Variants in KIF16B observed in about 807,000 individuals in gnomAD.
The protein encoded by KIF16B is kinesin-like protein KIF16B.
A neutral mutation model predicts 156.3 loss-of-function variants in KIF16B; 98 were observed. The ratio of observed to expected loss-of-function variants is 0.63; its 90% CI spans 0.53 to 0.74. KIF16B has a LOEUF of 0.74. Ranked by LOEUF, KIF16B falls within the 30% of genes least tolerant of loss-of-function variation. The pLI, the probability that KIF16B is intolerant of heterozygous loss-of-function variation, is 0.00. For synonymous variants in KIF16B, 564 were observed against 583.7 expected (o/e 0.97, Z 0.49); for missense variants, 1,421 against 1,606.5 (o/e 0.88, Z 1.97).
intron 25 of KIF16B, among the ~76,000 whole-genome samples, chr20:16,306,578 A>C (rs541741296): frequency 6.6e-6 from 1 of 152,300 alleles, no homozygotes; most frequent in South Asian, 2.1e-4. Flanking sequence ...AAGAATAGTG[A>C]CACGATTTTA....
intron 25 of KIF16B, among the ~76,000 whole-genome samples, chr20:16,301,817 T>C (rs964068553): frequency 6.6e-6 from 1 of 152,110 alleles, no homozygotes. Flanking sequence ...ACCCGGCTAA[T>C]TTTTGTATTT....
chr20:16,488,336 G>A (rs1405480790), intron 12 of KIF16B, among the ~76,000 whole-genome samples: 1 of 152,218 alleles, frequency 6.6e-6, no homozygotes, highest in Admixed American at 6.5e-5. Flanking sequence ...AGTCCAAACT[G>A]TCTGTGCGTT....
rs1052109062 is a variant in KIF16B at position 16,573,408 on chromosome 20, T to C, written c.-133A>G. On this transcript the variant is annotated 5_prime_UTR_variant, in exon 1 of 26. Coordinates refer to ENST00000354981, the MANE Select transcript of KIF16B (RefSeq NM_024704.5). ...CCGCCCCTCTGCTCCCGGCCGGACC[T>C]GGAGTTCCGCGGCAGCCCCACCTGC... The C allele has an allele frequency of 5.5e-5, 55 of 1,004,302 alleles. No homozygotes were observed. Among genetic ancestry groups the C allele is most frequent in the Non-Finnish European group, 7.6e-5 (52 of 685,496 alleles). 62.2% of individuals were successfully genotyped at this position (1,004,302 alleles called of 1,614,324 possible).
chr20:16,553,908 C>A (rs1017346314), intron 1 of KIF16B, among the ~76,000 whole-genome samples: 1 of 152,158 alleles, frequency 6.6e-6, no homozygotes, highest in East Asian at 1.9e-4. Flanking sequence ...GCCAGGTGTG[C>A]GCACACTTAG....
rs145387817 is a variant in KIF16B, at chr20:16,381,725, G to A, written c.1807C>T (p.Arg603Cys). ...NPGLEFERQQ[R>C]EELEKLESKR... ...CTTTCTAATTTTTCAAGTTCTTCACGCTGTTGCCTCTCAAATTCAAGTCTA... is the reference window on the plus strand; with the variant it reads ...CTTTCTAATTTTTCAAGTTCTTCACACTGTTGCCTCTCAAATTCAAGTCTA... The change falls in exon 18 of 26, where the codon CGT (arginine) becomes TGT (cysteine). Residue 603 changes from arginine (R) to cysteine (C), a missense_variant. Arg to Cys is a radical substitution (Grantham distance 180, BLOSUM62 -3). Coordinates refer to ENST00000354981, the MANE Select transcript of KIF16B (RefSeq NM_024704.5). The A allele has an allele frequency of 3.8e-5, 61 of 1,611,604 alleles. No homozygotes were observed. The highest frequency in any genetic ancestry group is 4.6e-5 in the Non-Finnish European group (54 of 1,178,734).
chr20:16,319,817 G>A (rs1456185782), intron 24 of KIF16B, among the ~76,000 whole-genome samples: 3 of 152,150 alleles, frequency 2.0e-5, no homozygotes, highest in African/African-American at 7.2e-5. Flanking sequence ...GACATTAGGG[G>A]ATTGAGCAGG....
chr20:16,321,806 GA>G (rs1269646152), intron 24 of KIF16B, among the ~76,000 whole-genome samples: 1 of 152,012 alleles, frequency 6.6e-6, no homozygotes, highest in Non-Finnish European at 1.5e-5. Flanking sequence ...GTATTCATGA[GA>G]AAACCCTTAA....
At chr20:16,335,377 T>TACCCTCTGGATATTTGATCTGATGCATG (rs1379198402) in intron 24 of KIF16B, among the ~76,000 whole-genome samples, 1 of 152,238 alleles carries the variant, frequency 6.6e-6, no homozygotes, top group Non-Finnish European at 1.5e-5. Flanking sequence ...AATGTATTAA[T>TACCCTCTGGATATTTGATCTGATGCATG]ACCCTCTGGA....
intron 1 of KIF16B, among the ~76,000 whole-genome samples, chr20:16,553,909 G>A (rs2143987): frequency 0.39 from 59,239 of 151,966 alleles, 12,169 homozygotes; most frequent in African/African-American, 0.53. Context: ...CCAGGTGTGC[G>A]CACACTTAGG....
At chr20:16,462,089 A>G (rs760955189) in intron 12 of KIF16B, among the ~76,000 whole-genome samples, 2 of 152,116 alleles carry the variant, frequency 1.3e-5, no homozygotes, top group Non-Finnish European at 2.9e-5. Flanking sequence ...TCTCTACTAA[A>G]AATTAGCTGG....
chr20:16,413,534 T>C (rs1056253213), intron 15 of KIF16B, among the ~76,000 whole-genome samples: 1 of 152,188 alleles, frequency 6.6e-6, no homozygotes, highest in Admixed American at 6.5e-5. Flanking sequence ...GAGGTAATAA[T>C]GTACCAATTA....
At chr20:16,455,773 A>G (rs772272740) in intron 12 of KIF16B, among the ~76,000 whole-genome samples, 16 of 152,088 alleles carry the variant, frequency 1.1e-4, no homozygotes, top group Non-Finnish European at 1.9e-4. Flanking sequence ...GAAATCCTAC[A>G]TATGTATTTA....
intron 5 of KIF16B, among the ~76,000 whole-genome samples, chr20:16,512,439 A>G (rs1428886949): frequency 6.6e-6 from 1 of 152,158 alleles, no homozygotes; most frequent in Non-Finnish European, 1.5e-5. Flanking sequence ...TCAACCACTC[A>G]GATTTACTTG....
At chr20:16,316,880 A>T (rs1267476003) in intron 24 of KIF16B, among the ~76,000 whole-genome samples, 1 of 152,226 alleles carries the variant, frequency 6.6e-6, no homozygotes, top group Non-Finnish European at 1.5e-5. Context: ...AGGACAAATA[A>T]CTGTGCCTGG....
At chr20:16,486,789 G>T (rs1261072548) in intron 12 of KIF16B, among the ~76,000 whole-genome samples, 1 of 152,124 alleles carries the variant, frequency 6.6e-6, no homozygotes. Flanking sequence ...ATTATCTGAG[G>T]TCAGAAGCAT....
intron 22 of KIF16B, among the ~76,000 whole-genome samples, chr20:16,360,366 T>C (rs1383625362): frequency 6.6e-6 from 1 of 152,190 alleles, no homozygotes; most frequent in African/African-American, 2.4e-5. Flanking sequence ...TTATATCCCA[T>C]TATTTATGGG....
chr20:16,330,549 C>G (rs2063930177), intron 24 of KIF16B, among the ~76,000 whole-genome samples: 1 of 152,138 alleles, frequency 6.6e-6, no homozygotes, highest in Non-Finnish European at 1.5e-5. Context: ...TAGGTATGTT[C>G]AAGAATGTTT....
In KIF16B at chr20:16,407,341, T is replaced by G. The variant is rs74518280; in HGVS notation, c.1613-885A>C. Reference sequence around the variant, plus strand: ...CATGTATGAGAGGCCACGTGTATGGTCCCATCCACGTATGAGAGTCTACAA... The same window carrying G: ...CATGTATGAGAGGCCACGTGTATGGGCCCATCCACGTATGAGAGTCTACAA... On this transcript the variant is annotated intron_variant, in intron 15 of 25. Coordinates refer to ENST00000354981, the MANE Select transcript of KIF16B (RefSeq NM_024704.5). 2.0e-5 allele frequency among the ~76,000 whole-genome samples: 3 copies of G among 152,070 alleles called. 1 individual carries two copies. The highest frequency in any genetic ancestry group is 4.4e-5 in the Non-Finnish European group (3 of 68,006).
intron 1 of KIF16B, among the ~76,000 whole-genome samples, chr20:16,554,782 G>A (rs550200834): frequency 7.2e-4 from 109 of 152,332 alleles, no homozygotes; most frequent in African/African-American, 1.8e-3. Flanking sequence ...TGGTGTCTCC[G>A]AACTTCCAGG....
Sources: allele counts gnomAD v4.1 joint callset (sites outside exome capture counted in the v4.1 genomes callset), GRCh38; gene constraint gnomAD v4.1.1; transcripts MANE v1.5; gene names NCBI Gene and HGNC (gene_info 2026-07-23, HGNC 2026-07-21).